The following PIK3AP1 variants were observed in gnomAD, a reference collection of about 807,000 sequenced individuals.
PIK3AP1 encodes phosphoinositide 3-kinase adapter protein 1.
A neutral mutation model predicts 88.1 loss-of-function variants in PIK3AP1; 21 were observed. That is an observed-to-expected ratio of 0.24 (90% CI 0.17 to 0.34). PIK3AP1 has a LOEUF of 0.34. Ranked by LOEUF, PIK3AP1 falls within the 10% of genes least tolerant of loss-of-function variation. The pLI is 1.00. For synonymous variants in PIK3AP1, 398 were observed against 400.0 expected, an observed-to-expected ratio of 1.00 and a Z score of 0.06; for missense variants, 828 against 1,035.7, an observed-to-expected ratio of 0.80 and a Z score of 2.75.
At chr10:96,694,691 G>A (rs537092181) in intron 2 of PIK3AP1, among the ~76,000 whole-genome samples, 9 of 151,790 alleles carry the variant, frequency 5.9e-5, no homozygotes, top group Non-Finnish European at 1.3e-4. Context: ...ATGCCACCAC[G>A]CCTAGATAAT....
chr10:96,640,800 G>C (rs1335924117), intron 8 of PIK3AP1, among the ~76,000 whole-genome samples: 1 of 151,838 alleles, frequency 6.6e-6, no homozygotes, highest in Non-Finnish European at 1.5e-5. Context: ...TGGGACCACA[G>C]GCATGTGCCA....
chr10:96,601,340 G>A (rs139178965), intron 16 of PIK3AP1, among the ~76,000 whole-genome samples: 4,905 of 152,006 alleles, frequency 0.032, 259 homozygotes, highest in African/African-American at 0.11. Context: ...CAGGCGTGGT[G>A]GCAGGTACCT....
At chr10:96,659,768 G>C (rs1843661525) in intron 2 of PIK3AP1, among the ~76,000 whole-genome samples, 1 of 149,290 alleles carries the variant, frequency 6.7e-6, no homozygotes, top group Non-Finnish European at 1.5e-5. Flanking sequence ...CTTTAAAGAA[G>C]TAAAAAACCT....
intron 2 of PIK3AP1, among the ~76,000 whole-genome samples, chr10:96,659,140 T>G (rs1261543031): frequency 6.6e-6 from 1 of 152,184 alleles, no homozygotes; most frequent in Non-Finnish European, 1.5e-5. Flanking sequence ...AGTCTTCTTC[T>G]TAAGGATTTT....
chr10:96,716,994 G>A (rs1340487479), intron 1 of PIK3AP1, among the ~76,000 whole-genome samples: 1 of 152,126 alleles, frequency 6.6e-6, no homozygotes, highest in African/African-American at 2.4e-5. Flanking sequence ...GAGCGTGGTG[G>A]CTCACACCTG....
intron 2 of PIK3AP1, among the ~76,000 whole-genome samples, chr10:96,707,570 G>A (rs1844381061): frequency 6.6e-6 from 1 of 152,162 alleles, no homozygotes; most frequent in Non-Finnish European, 1.5e-5. Context: ...TGGGATTACA[G>A]GTGTGCACCA....
intron 10 of PIK3AP1, among the ~76,000 whole-genome samples, chr10:96,624,807 C>T (rs1335316434): frequency 1.3e-5 from 2 of 152,204 alleles, no homozygotes; most frequent in Non-Finnish European, 2.9e-5. Context: ...TCCTTTCCTT[C>T]GCTTCTCCAC....
chr10:96,602,286 G>A lies in PIK3AP1; in HGVS notation c.2354C>T (p.Ser785Leu), dbSNP rs769596130. 1.2e-6 allele frequency: 2 copies of A among 1,603,430 alleles called. No individual in the cohort carries two copies. The highest frequency in any genetic ancestry group is 3.5e-5 in the Admixed American group (2 of 57,720). ...ATATCAGTTTTGATGTTACCTCTGT[G>A]AGGCAGCTCTCGGAGGCACCCTGGG... Reference protein sequence around the residue: ...RPPRVPPRAASQRPPTRETFH... With the variant: ...RPPRVPPRAALQRPPTRETFH... Residue 785 changes from serine to leucine, a missense_variant, in exon 16 of 17, where the codon TCA becomes TTA. Transcript: ENST00000339364.
chr10:96,692,029 GA>G (rs1407977884), intron 2 of PIK3AP1, among the ~76,000 whole-genome samples: 1 of 152,130 alleles, frequency 6.6e-6, no homozygotes, highest in African/African-American at 2.4e-5. Context: ...GGTAATTCTA[GA>G]TTTTGCAAAA....
intron 2 of PIK3AP1, among the ~76,000 whole-genome samples, chr10:96,682,457 G>A (rs1378971031): frequency 6.6e-6 from 1 of 152,094 alleles, no homozygotes; most frequent in Non-Finnish European, 1.5e-5. Context: ...GTTCACCTTT[G>A]CAAGAGCTGC....
At chr10:96,708,592 A>AG in intron 2 of PIK3AP1, among the ~76,000 whole-genome samples, 1 of 150,708 alleles carries the variant, frequency 6.6e-6, no homozygotes, top group African/African-American at 2.4e-5. Flanking sequence ...AAAAAAAAAA[A>AG]AAAAAAAAAG....
intron 2 of PIK3AP1, among the ~76,000 whole-genome samples, chr10:96,670,002 C>T (rs749010776): frequency 5.3e-5 from 8 of 151,776 alleles, no homozygotes; most frequent in Non-Finnish European, 8.8e-5. Context: ...TGGTAAAATC[C>T]CGTCTCTACT....
intron 1 of PIK3AP1, among the ~76,000 whole-genome samples, chr10:96,717,773 C>T (rs545399122): frequency 1.3e-5 from 2 of 152,202 alleles, no homozygotes; most frequent in East Asian, 1.9e-4. Flanking sequence ...CTCTCTCTCA[C>T]GTGTAAATAC....
intron 15 of PIK3AP1, among the ~76,000 whole-genome samples, chr10:96,603,464 C>T (rs924570414): frequency 6.6e-6 from 1 of 152,116 alleles, no homozygotes. Flanking sequence ...CAGCTGCCAG[C>T]CAATATAAAG....
At position 96,631,875 on chromosome 10, in the gene PIK3AP1, C is replaced by CAGAGACAGGGTT. The variant is rs1491567842; in HGVS notation, c.1376-3383_1376-3382insAACCCTGTCTCT. On this transcript the variant is annotated intron_variant, in intron 8 of 16. Coordinates refer to ENST00000339364, the MANE Select transcript of PIK3AP1 (RefSeq NM_152309.3). ...CTCCAGCCTGGGTGACAGAGCAAGA[C>CAGAGACAGGGTT]TCTGTCTCAAAAAACAAAACAAAAC... Among the ~76,000 whole-genome samples, 1,230 of 143,518 alleles carry CAGAGACAGGGTT rather than the reference C, an allele frequency of 8.6e-3. 8 individuals are homozygous for CAGAGACAGGGTT. The highest frequency in any genetic ancestry group is 0.013 in the Non-Finnish European group (825 of 63,148). 94.2% of individuals were successfully genotyped at this position (143,518 alleles called of 152,430 possible). A position where few individuals can be genotyped will look rare whatever the true frequency, so the allele number is the denominator to read the frequency against.
rs1409621674 is a variant in PIK3AP1, at chr10:96,626,895, C to G, written c.1482G>C (p.Met494Ile). 21 of 1,613,688 alleles carry G rather than the reference C, an allele frequency of 1.3e-5. No homozygotes were observed. The highest frequency in any genetic ancestry group is 1.5e-5 in the Non-Finnish European group (18 of 1,179,674). ...MIRKFLEGNS[M>I]GMTNLERDQC... ...GATCTCTCTCCAGATTGGTCATTCC[C>G]ATGCTGTTGCCTAGAAACGCAGAGA... Residue 494 changes from methionine to isoleucine, a missense_variant, in exon 10 of 17, where the codon ATG becomes ATC. Met to Ile is a conservative substitution (Grantham distance 10, BLOSUM62 1). Transcript: ENST00000339364.
intron 11 of PIK3AP1, among the ~76,000 whole-genome samples, chr10:96,622,221 T>C (rs896867062): frequency 6.6e-6 from 1 of 152,250 alleles, no homozygotes; most frequent in African/African-American, 2.4e-5. Flanking sequence ...GGGTTGTTCC[T>C]GTGCCAACCT....
chr10:96,625,617 C>T (rs910881001), intron 10 of PIK3AP1, among the ~76,000 whole-genome samples: 1 of 152,190 alleles, frequency 6.6e-6, no homozygotes, highest in African/African-American at 2.4e-5. Context: ...ATCTGGTAAC[C>T]CCAACCCAAC....
At chr10:96,718,409 C>T (rs1055824752) in intron 1 of PIK3AP1, among the ~76,000 whole-genome samples, 5 of 152,218 alleles carry the variant, frequency 3.3e-5, no homozygotes, top group Admixed American at 3.3e-4. Context: ...TTGCTCTCAC[C>T]ACTGTGATCT....
Sources: allele counts gnomAD v4.1 joint callset (sites outside exome capture counted in the v4.1 genomes callset), GRCh38; gene constraint gnomAD v4.1.1; transcripts MANE v1.5; gene names NCBI Gene and HGNC (gene_info 2026-07-23, HGNC 2026-07-21).